The following SLC2A9 variants were observed in gnomAD, a reference collection of about 807,000 sequenced individuals.
SLC2A9 encodes solute carrier family 2 member 9, also known as solute carrier family 2, facilitated glucose transporter member 9.
Under a neutral mutation model 50.6 loss-of-function variants are expected in SLC2A9, and 39 were observed. The ratio of observed to expected loss-of-function variants is 0.77; its 90% CI spans 0.60 to 1.01. SLC2A9 has a LOEUF of 1.01. SLC2A9 is among the 50% of genes least tolerant of loss of function. The pLI, the probability that SLC2A9 is intolerant of heterozygous loss-of-function variation, is 0.00. For synonymous variants in SLC2A9, 324 were observed against 276.9 expected (o/e 1.17, Z -1.69); for missense variants, 686 against 677.6 (o/e 1.01, Z -0.14).
chr4:9,978,528 T>C (rs1378439239), intron 5 of SLC2A9, among the ~76,000 whole-genome samples: 1 of 152,274 alleles, frequency 6.6e-6, no homozygotes, highest in African/African-American at 2.4e-5. Flanking sequence ...GAGGCTGTTA[T>C]CTTGTTTTTA....
chr4:9,784,282 GT>G (rs929613938), intron 3 of SLC2A9, among the ~76,000 whole-genome samples: 147 of 93,592 alleles, frequency 1.6e-3, no homozygotes, highest in African/African-American at 6.4e-3. Context: ...AAGACCAGAT[GT>G]TTTTTTTCTC....
chr4:10,018,101 G>A (rs1762909511), intron 2 of SLC2A9, among the ~76,000 whole-genome samples: 1 of 152,228 alleles, frequency 6.6e-6, no homozygotes, highest in African/African-American at 2.4e-5. Flanking sequence ...AGCCTAGGTA[G>A]GCAGTACCCA....
At chr4:10,003,093 A>G (rs960555250) in intron 2 of SLC2A9, among the ~76,000 whole-genome samples, 1 of 152,226 alleles carries the variant, frequency 6.6e-6, no homozygotes, top group African/African-American at 2.4e-5. Context: ...AGAAGCTGGC[A>G]TAAGTAATGA....
chr4:9,955,220 C>T lies in SLC2A9; in HGVS notation c.682-13175G>A, dbSNP rs1166529191. ...TATAAAACTCCAAGTCGGCCGGGCG[C>T]GGTGGCTCACGCTTGTAATCCCAGC... On this transcript the variant is annotated intron_variant, in intron 5 of 11. Transcript: ENST00000264784. Among the ~76,000 whole-genome samples the T allele has an allele frequency of 7.1e-4, 31 of 43,448 alleles. 11 individuals carry two copies. The highest frequency in any genetic ancestry group is 4.9e-4 in the Non-Finnish European group (11 of 22,230). 28.5% of individuals were successfully genotyped at this position (43,448 alleles called of 152,430 possible).
intron 6 of SLC2A9, among the ~76,000 whole-genome samples, chr4:9,941,626 G>A (rs988620746): frequency 2.0e-5 from 3 of 152,230 alleles, no homozygotes; most frequent in Non-Finnish European, 4.4e-5. Flanking sequence ...AGAGGTGGTA[G>A]TGAGACACTG....
At chr4:9,845,631 C>G (rs1042692711) in intron 10 of SLC2A9, among the ~76,000 whole-genome samples, 1 of 150,972 alleles carries the variant, frequency 6.6e-6, no homozygotes, top group Non-Finnish European at 1.5e-5. Flanking sequence ...GGGGTTTCAC[C>G]GTGTTAGCCA....
chr4:9,937,433 T>C (rs1357837404), intron 6 of SLC2A9, among the ~76,000 whole-genome samples: 3 of 152,206 alleles, frequency 2.0e-5, no homozygotes, highest in African/African-American at 7.2e-5. Context: ...AGCTAGTCCA[T>C]GGGCCAAAAT....
intron 3 of SLC2A9, among the ~76,000 whole-genome samples, chr4:9,806,532 A>G (rs550362155): frequency 1.3e-5 from 2 of 152,276 alleles, no homozygotes; most frequent in East Asian, 3.9e-4. Flanking sequence ...CCCACTCCAC[A>G]TGCGATATTT....
intron 10 of SLC2A9, among the ~76,000 whole-genome samples, chr4:9,881,499 C>T (rs1353696656): frequency 6.6e-6 from 1 of 152,192 alleles, no homozygotes; most frequent in Non-Finnish European, 1.5e-5. Flanking sequence ...AATTTCAGAG[C>T]TGAGGAACTA....
chr4:9,903,995 T>TAA (rs1454670426), intron 8 of SLC2A9, among the ~76,000 whole-genome samples: 1 of 148,956 alleles, frequency 6.7e-6, no homozygotes, highest in Non-Finnish European at 1.5e-5. Flanking sequence ...ATTATATATA[T>TAA]AACCTATATA....
intron 3 of SLC2A9, chr4:9,782,178 T>A (rs201926104): frequency 5.0e-6 from 8 of 1,601,998 alleles, no homozygotes; most frequent in Non-Finnish European, 6.8e-6. Flanking sequence ...CTGACCCTAC[T>A]CATCATCTGG....
chr4:9,863,111 G>A (rs1040885598), intron 10 of SLC2A9, among the ~76,000 whole-genome samples: 1 of 151,936 alleles, frequency 6.6e-6, no homozygotes, highest in Non-Finnish European at 1.5e-5. Flanking sequence ...TGTGTCATCA[G>A]TACAGAGTGT....
At chr4:9,998,037 G>T (rs922197121) in intron 2 of SLC2A9, among the ~76,000 whole-genome samples, 1 of 152,304 alleles carries the variant, frequency 6.6e-6, no homozygotes. Flanking sequence ...ATGACAGAAT[G>T]CCTGACATCA....
chr4:9,835,336 T>A (rs1203314774), intron 10 of SLC2A9, among the ~76,000 whole-genome samples: 1 of 152,152 alleles, frequency 6.6e-6, no homozygotes, highest in Non-Finnish European at 1.5e-5. Context: ...TTCCTCCATA[T>A]CCTGTACAGT....
intron 10 of SLC2A9, among the ~76,000 whole-genome samples, chr4:9,883,700 G>A (rs1735645288): frequency 6.6e-6 from 1 of 152,314 alleles, no homozygotes; most frequent in South Asian, 2.1e-4. Flanking sequence ...ATCACTTTAA[G>A]GGTGCCCTGT....
At chr4:9,800,260 T>A (rs552170720) in intron 3 of SLC2A9, among the ~76,000 whole-genome samples, 3 of 152,140 alleles carry the variant, frequency 2.0e-5, no homozygotes, top group South Asian at 4.1e-4. Flanking sequence ...TGGGTTGAAT[T>A]TTTCCCCCTC....
At chr4:9,783,612 T>C (rs186756507) in intron 3 of SLC2A9, 87 of 755,730 alleles carry the variant, frequency 1.2e-4, no homozygotes, top group Admixed American at 1.1e-3. Flanking sequence ...CCTCACCCCA[T>C]TGATTGGTAG....
chr4:9,967,894 G>A (rs1753291501), intron 5 of SLC2A9, among the ~76,000 whole-genome samples: 1 of 152,054 alleles, frequency 6.6e-6, no homozygotes, highest in African/African-American at 2.4e-5. Flanking sequence ...GTCTGAAAAT[G>A]ATAAATTTAC....
intron 10 of SLC2A9, chr4:9,880,077 C>G (rs1414770448): frequency 2.0e-6 from 2 of 985,450 alleles, no homozygotes; most frequent in African/African-American, 1.7e-5. Context: ...TGCCATTCAG[C>G]TCTGAGCATC....
Sources: gnomAD v4.1 joint callset for allele counts (sites outside exome capture counted in the v4.1 genomes callset) on GRCh38, gnomAD v4.1.1 for gene constraint, MANE v1.5 for transcripts, NCBI Gene and HGNC (gene_info 2026-07-23, HGNC 2026-07-21) for gene names.